RERE: variants seen among roughly 807,000 people sequenced by gnomAD.
RERE encodes arginine-glutamic acid dipeptide repeats protein.
Under a neutral mutation model 146.1 loss-of-function variants are expected in RERE, and 40 were observed. The ratio of observed to expected loss-of-function variants is 0.27; its 90% confidence interval spans 0.21 to 0.36. The LOEUF (loss-of-function observed/expected upper bound fraction) is 0.36, where lower values mean the gene tolerates loss of function less well. Among genes scored for constraint, RERE ranks in the 10% least tolerant of loss-of-function variants. The probability of loss-of-function intolerance (pLI) is 1.00; values close to 1 mark genes in which losing one functional copy is unlikely to be tolerated. For missense variants in RERE, 1,933 were observed against 2,138.7 expected (o/e 0.90, Z 1.90); for synonymous variants, 1,003 against 866.0 (o/e 1.16, Z -2.78).
At chr1:8,497,652 A>C in intron 8 of RERE, 123 bp from the exon 9 acceptor site, 1 of 1,001,586 alleles carries the variant, frequency 1.0e-6, no homozygotes, top group Non-Finnish European at 1.5e-6. Flanking sequence ...GGACAGCAGA[A>C]AAATAACAAC....
chr1:8,671,897 G>A (rs1638726472), intron 1 of RERE, among the ~76,000 whole-genome samples: 1 of 152,072 alleles, frequency 6.6e-6, no homozygotes, highest in African/African-American at 2.4e-5. Flanking sequence ...AGGTAAAACT[G>A]GATCCAAAAT....
At chr1:8,421,098 AT>A (rs1294253622) in intron 12 of RERE, among the ~76,000 whole-genome samples, 1 of 152,208 alleles carries the variant, frequency 6.6e-6, no homozygotes, top group African/African-American at 2.4e-5. Flanking sequence ...TTATGAATTT[AT>A]TTTTTAAAAC....
intron 4 of RERE, among the ~76,000 whole-genome samples, chr1:8,605,633 C>A (rs1211715932): frequency 6.7e-6 from 1 of 150,162 alleles, no homozygotes; most frequent in Non-Finnish European, 1.5e-5. Flanking sequence ...ACTGTAATCT[C>A]AGCTACTTGG....
chr1:8,782,019 C>T (rs1026836675), intron 1 of RERE, among the ~76,000 whole-genome samples: 53 of 152,108 alleles, frequency 3.5e-4, no homozygotes, highest in African/African-American at 1.2e-3. Context: ...TTTCCACTAG[C>T]TCCAAACCTA....
At chr1:8,594,061 C>T (rs1646526728) in intron 4 of RERE, among the ~76,000 whole-genome samples, 2 of 152,184 alleles carry the variant, frequency 1.3e-5, no homozygotes, top group African/African-American at 4.8e-5. Context: ...CAACAACTGA[C>T]GCTCCCATTT....
intron 7 of RERE, among the ~76,000 whole-genome samples, chr1:8,516,972 G>A (rs1645428133): frequency 6.6e-6 from 1 of 152,144 alleles, no homozygotes; most frequent in South Asian, 2.1e-4. Context: ...CGGAGGGTGC[G>A]ACCACAAAGG....
chr1:8,599,549 A>G (rs1646596703), intron 4 of RERE, among the ~76,000 whole-genome samples: 1 of 152,232 alleles, frequency 6.6e-6, no homozygotes, highest in South Asian at 2.1e-4. Context: ...AATAAATCAC[A>G]AATCTATTCA....
At chr1:8,383,286 A>C (rs1056665129) in intron 12 of RERE, among the ~76,000 whole-genome samples, 5 of 151,534 alleles carry the variant, frequency 3.3e-5, no homozygotes, top group African/African-American at 1.2e-4. Context: ...GTCTCCACCC[A>C]GGTCCAGCTT....
chr1:8,451,422 A>C lies in RERE; in HGVS notation c.1203+14503T>G, dbSNP rs536262420. Among the ~76,000 whole-genome samples the C allele has an allele frequency of 2.9e-5, 4 of 139,152 alleles. No individual in the cohort carries two copies. The East Asian group carries it at 9.2e-4, about 32-fold the overall frequency. 91.3% of individuals were successfully genotyped at this position (139,152 alleles called of 152,430 possible). A position where few individuals can be genotyped will look rare whatever the true frequency, so the allele number is the denominator to read the frequency against. Reference sequence around the variant, plus strand: ...ACTGCGGCCTGGGTGACAGAGCAAAATTCCATCTCAAAAAAGAACAAAAAA... The same window carrying C: ...ACTGCGGCCTGGGTGACAGAGCAAACTTCCATCTCAAAAAAGAACAAAAAA... On this transcript the variant is annotated intron_variant, in intron 11 of 22. Transcript: ENST00000400908.
At chr1:8,711,662 G>C (rs560686331) in intron 1 of RERE, among the ~76,000 whole-genome samples, 1 of 152,288 alleles carries the variant, frequency 6.6e-6, no homozygotes, top group Admixed American at 6.5e-5. Context: ...GCCTCAATGG[G>C]ATGTTTAAAA....
At chr1:8,480,383 C>T (rs1319083531) in intron 10 of RERE, among the ~76,000 whole-genome samples, 2 of 150,544 alleles carry the variant, frequency 1.3e-5, no homozygotes, top group Non-Finnish European at 3.0e-5. Flanking sequence ...CGTGATCCGC[C>T]CGCCTTGGCC....
chr1:8,582,087 A>C (rs1446676709), intron 4 of RERE, among the ~76,000 whole-genome samples: 3 of 152,202 alleles, frequency 2.0e-5, no homozygotes, highest in African/African-American at 7.2e-5. Flanking sequence ...AATGTATATA[A>C]CAAAAATAAT....
chr1:8,749,006 C>A (rs540090153), intron 1 of RERE, among the ~76,000 whole-genome samples: 1 of 152,222 alleles, frequency 6.6e-6, no homozygotes, highest in East Asian at 1.9e-4. Flanking sequence ...TCTCGGTAAG[C>A]TGTGTGTCAG....
intron 4 of RERE, among the ~76,000 whole-genome samples, chr1:8,591,782 C>T (rs1486599262): frequency 6.6e-6 from 1 of 152,230 alleles, no homozygotes; most frequent in African/African-American, 2.4e-5. Flanking sequence ...GCTTCCTTCG[C>T]AGTTCACACT....
chr1:8,772,003 CAT>C (rs756502542), intron 1 of RERE, among the ~76,000 whole-genome samples: 11 of 149,940 alleles, frequency 7.3e-5, no homozygotes, highest in Non-Finnish European at 1.3e-4. Context: ...TTTAGGAAAA[CAT>C]ATAAAATTTT....
chr1:8,364,087 T>A lies in RERE; in HGVS notation c.1709A>T (p.His570Leu). Residue 570 changes from histidine (H) to leucine (L), a missense_variant, in exon 15 of 23, where the codon CAT becomes CTT. His to Leu is a moderately conservative substitution (Grantham distance 99). Around this residue, in one of 11 missense-constraint regions of RERE, gnomAD observed 1,255 missense variants for 1,153.8 expected, o/e 1.09. Coordinates refer to ENST00000400908, the MANE Select transcript of RERE (RefSeq NM_001042681.2). This position sits in a 1 kb window ranked among gnomAD's most constrained non-coding sequence, Gnocchi z 5.1. ...CCGACTCCGCCGTGTCCTCATGCTA[T>A]GCTTCCCACTGAGCCCATCATCCTC... ...KEEDDGLSGK[H>L]SMRTRRSRGS... The A allele has an allele frequency of 6.2e-7, 1 of 1,614,192 alleles. No homozygotes were observed.
intron 12 of RERE, among the ~76,000 whole-genome samples, chr1:8,395,605 G>A (rs1570134191): frequency 6.6e-6 from 1 of 152,152 alleles, no homozygotes; most frequent in Non-Finnish European, 1.5e-5. Context: ...AAAGGTGAAG[G>A]TGAGCTTGAC....
intron 9 of RERE, 117 bp downstream of exon 9, chr1:8,497,288 A>G: frequency 9.1e-7 from 1 of 1,104,210 alleles, no homozygotes; most frequent in South Asian, 1.8e-5. Flanking sequence ...AACCAAACTT[A>G]AAGTCAGAGA....
At chr1:8,677,418 TC>T (rs1638864922) in intron 1 of RERE, among the ~76,000 whole-genome samples, 2 of 99,284 alleles carry the variant, frequency 2.0e-5, no homozygotes, top group African/African-American at 9.3e-5. Context: ...AGAGTGAGTC[TC>T]CGTCTCAAAA....
Sources: gnomAD v4.1 joint callset for allele counts (sites outside exome capture counted in the v4.1 genomes callset) on GRCh38, gnomAD v4.1.1 for gene constraint, gnomAD v4.1.1 regional missense constraint, Gnocchi (gnomAD v3.1) non-coding constraint, MANE v1.5 for transcripts, NCBI Gene and HGNC (gene_info 2026-07-23, HGNC 2026-07-21) for gene names.